LINGO2: variants seen among roughly 807,000 people sequenced by gnomAD.
The protein encoded by LINGO2 is leucine-rich repeat and immunoglobulin-like domain-containing nogo receptor-interacting protein 2.
LINGO2 carries 14 observed loss-of-function variants against 30.6 expected under a neutral mutation model. The ratio of observed to expected loss-of-function variants is 0.46; its 90% confidence interval spans 0.30 to 0.72. The LOEUF (loss-of-function observed/expected upper bound fraction) is 0.72, where lower values mean the gene tolerates loss of function less well. Ranked by LOEUF, LINGO2 falls within the 30% of genes least tolerant of loss-of-function variation. The pLI is 0.07. For missense variants in LINGO2, 729 were observed against 751.7 expected, an observed-to-expected ratio of 0.97 and a Z score of 0.35; for synonymous variants, 317 against 288.5, an observed-to-expected ratio of 1.10 and a Z score of -1.00.
At chr9:29,082,521 G>A in the LINGO2 span, among the ~76,000 whole-genome samples, 1 of 152,066 alleles carries the variant, frequency 6.6e-6, no homozygotes, top group Non-Finnish European at 1.5e-5. Flanking sequence ...ATAGGCATGG[G>A]CAATGACTTC....
the LINGO2 span, among the ~76,000 whole-genome samples, chr9:29,148,119 C>T: frequency 6.6e-6 from 1 of 151,962 alleles, no homozygotes; most frequent in Non-Finnish European, 1.5e-5. Flanking sequence ...CTAATAATGA[C>T]AATGTTGCTG....
intron 3 of LINGO2, among the ~76,000 whole-genome samples, chr9:28,372,417 A>G (rs1432226845): frequency 1.3e-5 from 2 of 152,206 alleles, no homozygotes; most frequent in East Asian, 1.9e-4. Flanking sequence ...GTCAGGCACG[A>G]AAGTCAAACT....
the LINGO2 span, chr9:28,888,935 C>T: frequency 7.5e-6 from 4 of 532,722 alleles, no homozygotes; most frequent in Admixed American, 5.8e-5. Context: ...AGGAGACTCA[C>T]AAGTTCCTGC....
intron 4 of LINGO2, among the ~76,000 whole-genome samples, chr9:28,202,759 G>T (rs1820282687): frequency 6.6e-6 from 1 of 152,114 alleles, no homozygotes; most frequent in Non-Finnish European, 1.5e-5. Context: ...ATTAGGCTGA[G>T]AATGTAGGAA....
chr9:28,892,388 G>C, the LINGO2 span, among the ~76,000 whole-genome samples: 1 of 151,916 alleles, frequency 6.6e-6, no homozygotes, highest in South Asian at 2.1e-4. Flanking sequence ...ATATTTGTTT[G>C]ACACTAAGTT....
intron 1 of LINGO2, among the ~76,000 whole-genome samples, chr9:28,551,025 T>C (rs1178466042): frequency 6.6e-6 from 1 of 151,904 alleles, no homozygotes; most frequent in Non-Finnish European, 1.5e-5. Flanking sequence ...TTGCTTGTAA[T>C]CTTCAGAGTA....
chr9:28,888,021 A>G, the LINGO2 span, among the ~76,000 whole-genome samples: 1 of 152,130 alleles, frequency 6.6e-6, no homozygotes, highest in Non-Finnish European at 1.5e-5. Flanking sequence ...TGAGGAATGT[A>G]GAAAAACACT....
chr9:28,786,602 A>T, the LINGO2 span, among the ~76,000 whole-genome samples: 1 of 152,184 alleles, frequency 6.6e-6, no homozygotes, highest in South Asian at 2.1e-4. Context: ...AGGTAGAGAT[A>T]GTGCAGACAA....
chr9:29,166,318 T>C, the LINGO2 span, among the ~76,000 whole-genome samples: 1 of 152,116 alleles, frequency 6.6e-6, no homozygotes, highest in East Asian at 1.9e-4. Context: ...ATTGGCTACA[T>C]TCAACTCCTA....
chr9:28,190,384 A>G (rs75909008), intron 4 of LINGO2, among the ~76,000 whole-genome samples: 6,759 of 152,230 alleles, frequency 0.044, 218 homozygotes, highest in South Asian at 0.1. Context: ...AATGAACCGA[A>G]TATTTTTGTT....
At chr9:28,721,993 T>C in the LINGO2 span, among the ~76,000 whole-genome samples, 1 of 151,938 alleles carries the variant, frequency 6.6e-6, no homozygotes, top group Non-Finnish European at 1.5e-5. Context: ...GGGAAAATCT[T>C]CATGAGGGGA....
At chr9:28,864,815 GA>G in the LINGO2 span, among the ~76,000 whole-genome samples, 62 of 151,390 alleles carry the variant, frequency 4.1e-4, 1 homozygote, top group South Asian at 1.7e-3. Context: ...ATGTATGTAT[GA>G]AAAAAAAATA....
rs569254593 is a variant in LINGO2 at position 28,473,363 on chromosome 9, C to T, written c.-279+2577G>A. 1.5e-4 allele frequency among the ~76,000 whole-genome samples: 22 copies of T among 151,706 alleles called. No homozygotes were observed. The South Asian group carries it at 4.2e-3, about 29-fold the overall frequency. ...TCATCGTCTTTCTCCATTCTGTGGT[C>T]GTCTCACCTTGATCTGATAAAATAT... On this transcript the variant is annotated intron_variant, in intron 2 of 5. Transcript: ENST00000379992.
the LINGO2 span, among the ~76,000 whole-genome samples, chr9:28,795,983 TACACACACACACACACACAC>T: frequency 7.2e-6 from 1 of 138,166 alleles, no homozygotes; most frequent in African/African-American, 2.8e-5. Context: ...CAGTACTAGA[TACACACACACACACACACAC>T]ACACACACAC....
the LINGO2 span, among the ~76,000 whole-genome samples, chr9:28,734,972 G>A: frequency 6.6e-6 from 1 of 152,114 alleles, no homozygotes; most frequent in Non-Finnish European, 1.5e-5. Context: ...ATGTTTCTGA[G>A]TAATACTGCA....
chr9:28,690,864 G>A, the LINGO2 span, among the ~76,000 whole-genome samples: 1 of 152,082 alleles, frequency 6.6e-6, no homozygotes, highest in Non-Finnish European at 1.5e-5. Context: ...TATGTACAGA[G>A]ACTTACACAA....
chr9:28,116,949 G>A (rs1340024104), intron 4 of LINGO2, among the ~76,000 whole-genome samples: 1 of 92,700 alleles, frequency 1.1e-5, no homozygotes, highest in Non-Finnish European at 2.3e-5. Context: ...TTCTGTTGCT[G>A]GTGAGGAACT....
chr9:28,960,555 T>A, the LINGO2 span, among the ~76,000 whole-genome samples: 1 of 138,390 alleles, frequency 7.2e-6, no homozygotes, highest in East Asian at 2.1e-4. Context: ...TAGAAAAAAG[T>A]TACGGAAGTG....
chr9:28,294,773 T>A (rs1823864204), intron 4 of LINGO2, among the ~76,000 whole-genome samples: 1 of 152,202 alleles, frequency 6.6e-6, no homozygotes, highest in East Asian at 1.9e-4. Context: ...TGGTATAATC[T>A]TCTGAATTGG....
Sources: allele counts gnomAD v4.1 joint callset (sites outside exome capture counted in the v4.1 genomes callset), GRCh38; gene constraint gnomAD v4.1.1; transcripts MANE v1.5; gene names NCBI Gene and HGNC (gene_info 2026-07-23, HGNC 2026-07-21).